CACNA1C: variants seen among roughly 807,000 people sequenced by gnomAD.
CACNA1C encodes voltage-dependent L-type calcium channel subunit alpha-1C.
A neutral mutation model predicts 229.0 loss-of-function variants in CACNA1C; 30 were observed. The ratio of observed to expected loss-of-function variants is 0.13; its 90% CI spans 0.10 to 0.18. The LOEUF is 0.18. Ranked by LOEUF, CACNA1C falls within the 10% of genes least tolerant of loss-of-function variation. CACNA1C has a pLI of 1.00. For synonymous variants in CACNA1C, 1,114 were observed against 1,132.5 expected, an observed-to-expected ratio of 0.98 and a Z score of 0.33; for missense variants, 1,658 against 2,845.0, an observed-to-expected ratio of 0.58 and a Z score of 9.49.
At chr12:2,542,421 A>T (rs1199640505) in intron 9 of CACNA1C, among the ~76,000 whole-genome samples, 3 of 152,240 alleles carry the variant, frequency 2.0e-5, no homozygotes, top group Non-Finnish European at 4.4e-5. Flanking sequence ...TCCTATGGGG[A>T]AAGTGAGGCT....
At chr12:2,534,260 C>T (rs982079477) in intron 9 of CACNA1C, among the ~76,000 whole-genome samples, 2 of 152,126 alleles carry the variant, frequency 1.3e-5, no homozygotes, top group Non-Finnish European at 2.9e-5. Flanking sequence ...GAGAGTAGGA[C>T]TGAGTGCATG....
intron 1 of CACNA1C, among the ~76,000 whole-genome samples, chr12:1,974,002 T>C (rs1279572997): frequency 6.6e-6 from 1 of 152,176 alleles, no homozygotes; most frequent in Non-Finnish European, 1.5e-5. Flanking sequence ...TGTATATCCT[T>C]GTAGTAAAAA....
chr12:2,408,463 T>G (rs2098763691), intron 3 of CACNA1C, among the ~76,000 whole-genome samples: 1 of 152,042 alleles, frequency 6.6e-6, no homozygotes, highest in African/African-American at 2.4e-5. Context: ...TTCCTGGGCT[T>G]TTGGCTAACG....
In CACNA1C at chr12:2,487,826, T is replaced by C. The variant is rs1405937551; in HGVS notation, c.916+1564T>C. 3.3e-5 allele frequency among the ~76,000 whole-genome samples: 5 copies of C among 152,210 alleles called. No homozygotes were observed. In the East Asian group the frequency reaches 9.6e-4, roughly 29 times the overall value. Reference sequence around the variant, plus strand: ...TTTCCCCTTTAATTAAAATCCTTCCTTTTATTCAGGTTGATTTATAGCTAG... The same window carrying C: ...TTTCCCCTTTAATTAAAATCCTTCCCTTTATTCAGGTTGATTTATAGCTAG... On this transcript the variant is annotated intron_variant, in intron 6 of 46. Transcript: ENST00000399655.
chr12:2,632,979 G>A lies in CACNA1C; in HGVS notation c.3829-1318G>A, dbSNP rs1213530308. On this transcript the variant is annotated intron_variant, in intron 29 of 46. Coordinates refer to ENST00000399655, the MANE Select transcript of CACNA1C (RefSeq NM_000719.7). This position sits in a 1 kb window ranked among gnomAD's most constrained non-coding sequence, Gnocchi z 4.1. The stretch of plus-strand genomic sequence containing the variant: ...CTGGGGCACCCAGTGCAGGAACTAG[G>A]GTACCCTGATTTGATCTGCAAGAGT... Among the ~76,000 whole-genome samples, 1 of 152,056 alleles carries A rather than the reference G, an allele frequency of 6.6e-6. No homozygotes were observed. The highest frequency in any genetic ancestry group is 1.5e-5 in the Non-Finnish European group (1 of 68,014).
chr12:2,002,288 C>A (rs760243742), intron 1 of CACNA1C, among the ~76,000 whole-genome samples: 5 of 152,188 alleles, frequency 3.3e-5, no homozygotes, highest in Non-Finnish European at 5.9e-5. Context: ...TCAAACGGCT[C>A]CCATCCACAG....
chr12:2,128,461 A>G (rs1181871492), intron 3 of CACNA1C, among the ~76,000 whole-genome samples: 1 of 152,006 alleles, frequency 6.6e-6, no homozygotes, highest in Non-Finnish European at 1.5e-5. Context: ...CCCAGGCTGG[A>G]GTGCAGTGGC....
chr12:2,111,191 A>T (rs1414116982), intron 1 of CACNA1C, among the ~76,000 whole-genome samples: 1 of 152,178 alleles, frequency 6.6e-6, no homozygotes, highest in Non-Finnish European at 1.5e-5. Flanking sequence ...CTTTCTCCAG[A>T]TGGTGTGCTC....
rs1471026659 is a variant in CACNA1C at position 2,595,250 on chromosome 12, T to G, written c.2664-624T>G. On this transcript the variant is annotated intron_variant, in intron 19 of 46. Coordinates refer to ENST00000399655, the MANE Select transcript of CACNA1C (RefSeq NM_000719.7). The surrounding 1 kb of genome is among the most constrained non-coding windows in gnomAD (Gnocchi z 4.1). ...CAAGCCTCTCCTACTTGGGTTTCAG[T>G]GTTCTTACCTGTGAAATGAAGATGA... Among the ~76,000 whole-genome samples the G allele has an allele frequency of 6.6e-6, 1 of 152,200 alleles. No homozygotes were observed. Among genetic ancestry groups the G allele is most frequent in the East Asian group, 1.9e-4 (1 of 5,182 alleles).
rs1247150491 is a variant in CACNA1C at position 2,646,022 on chromosome 12, C to G, written c.3913-2453C>G. On this transcript the variant is annotated intron_variant, in intron 30 of 46. Coordinates refer to ENST00000399655, the MANE Select transcript of CACNA1C (RefSeq NM_000719.7). This position sits in a 1 kb window ranked among gnomAD's most constrained non-coding sequence, Gnocchi z 4.6. ...TCCTCATAGCTGCTCCTGACTTTCT[C>G]TTGTCTGCCATTATAGAGACATGCC... 6.6e-6 allele frequency among the ~76,000 whole-genome samples: 1 copy of G among 152,182 alleles called. No individual in the cohort carries two copies. The highest frequency in any genetic ancestry group is 1.9e-4 in the East Asian group (1 of 5,194).
In CACNA1C at chr12:2,053,676, C is replaced by G. The variant is rs2053107122; in HGVS notation, c.49+65C>G. 5 of 1,472,938 alleles carry G rather than the reference C, an allele frequency of 3.4e-6. No homozygotes were observed. Among genetic ancestry groups the G allele is most frequent in the East Asian group, 2.9e-5 (1 of 34,970 alleles). 91.2% of individuals were successfully genotyped at this position (1,472,938 alleles called of 1,614,324 possible). A position where few individuals can be genotyped will look rare whatever the true frequency, so the allele number is the denominator to read the frequency against. ...TTTTCCACCGGGTTCCTGCCCTACC[C>G]GCGCTCCCCGCGGCCCCGGGGCCGG... On this transcript the variant is annotated intron_variant, in intron 1 of 46. Coordinates refer to ENST00000399655, the MANE Select transcript of CACNA1C (RefSeq NM_000719.7). This position sits in a 1 kb window ranked among gnomAD's most constrained non-coding sequence, Gnocchi z 5.8.
At chr12:2,454,730 G>T (rs947088659) in intron 4 of CACNA1C, among the ~76,000 whole-genome samples, 1 of 152,018 alleles carries the variant, frequency 6.6e-6, no homozygotes, top group African/African-American at 2.4e-5. Flanking sequence ...TGCTTTGTCC[G>T]CACTCCATTC....
At chr12:2,625,992 A>G (rs2086253398) in intron 29 of CACNA1C, among the ~76,000 whole-genome samples, 1 of 152,184 alleles carries the variant, frequency 6.6e-6, no homozygotes, top group Non-Finnish European at 1.5e-5. Flanking sequence ...CTACAAGGGC[A>G]AGTACTCTGG....
intron 3 of CACNA1C, among the ~76,000 whole-genome samples, chr12:2,317,156 T>C (rs1427475771): frequency 4.6e-5 from 7 of 152,216 alleles, no homozygotes; most frequent in Non-Finnish European, 1.0e-4. Flanking sequence ...ATTCCACTTT[T>C]GGGTATGCAC....
chr12:2,654,689 A>T lies in CACNA1C; in HGVS notation c.4141-458A>T, dbSNP rs995412367. Among the ~76,000 whole-genome samples the T allele has an allele frequency of 1.3e-5, 2 of 152,258 alleles. No individual in the cohort carries two copies. Among genetic ancestry groups the T allele is most frequent in the Non-Finnish European group, 2.9e-5 (2 of 68,044 alleles). On this transcript the variant is annotated intron_variant, in intron 33 of 46. Coordinates refer to ENST00000399655, the MANE Select transcript of CACNA1C (RefSeq NM_000719.7). This position sits in a 1 kb window ranked among gnomAD's most constrained non-coding sequence, Gnocchi z 4.4. Reference sequence around the variant, plus strand: ...TCTAAGATAAGCACAGCTTTAAAAGACCAGGAAGAAAAGGGATTTCAGGAA... The same window carrying T: ...TCTAAGATAAGCACAGCTTTAAAAGTCCAGGAAGAAAAGGGATTTCAGGAA...
chr12:2,373,461 A>G (rs768964858), intron 3 of CACNA1C, among the ~76,000 whole-genome samples: 2 of 152,108 alleles, frequency 1.3e-5, no homozygotes, highest in Non-Finnish European at 2.9e-5. Context: ...CTGAGGTGAC[A>G]CTGAGGCCCG....
chr12:2,681,990 A>G (rs927101386), intron 42 of CACNA1C: 56 of 1,611,650 alleles, frequency 3.5e-5, no homozygotes, highest in Non-Finnish European at 4.6e-5. Flanking sequence ...GGAGCTCAGG[A>G]GGGATTCAGG....
chr12:2,163,895 C>T (rs1376200721), intron 3 of CACNA1C, among the ~76,000 whole-genome samples: 2 of 152,182 alleles, frequency 1.3e-5, no homozygotes, highest in African/African-American at 4.8e-5. Flanking sequence ...CTCTGGGTCC[C>T]ATAACCCAGC....
At chr12:2,102,136 A>G (rs1465663399) in intron 1 of CACNA1C, among the ~76,000 whole-genome samples, 5 of 152,360 alleles carry the variant, frequency 3.3e-5, no homozygotes, top group Admixed American at 6.5e-5. Flanking sequence ...CATTTAACCA[A>G]TGATAATAGA....
Sources: allele counts gnomAD v4.1 joint callset (sites outside exome capture counted in the v4.1 genomes callset), GRCh38; gene constraint gnomAD v4.1.1; non-coding constraint Gnocchi (gnomAD v3.1); transcripts MANE v1.5; gene names NCBI Gene and HGNC (gene_info 2026-07-23, HGNC 2026-07-21).